Variants in RALYL observed in about 807,000 individuals in gnomAD.
The protein encoded by RALYL is RNA-binding Raly-like protein.
In RALYL, 29 loss-of-function variants were observed where a neutral mutation model predicts 35.1. The ratio of observed to expected loss-of-function variants is 0.83; its 90% CI spans 0.61 to 1.13. The LOEUF is 1.13. Among genes scored for constraint, RALYL ranks in the 50% most tolerant of loss-of-function variants. RALYL has a pLI of 0.00. For synonymous variants in RALYL, 120 were observed against 127.6 expected (o/e 0.94, Z 0.40); for missense variants, 359 against 360.4 (o/e 1.00, Z 0.03).
intron 3 of RALYL, among the ~76,000 whole-genome samples, chr8:84,792,398 C>A (rs1248809747): frequency 2.0e-5 from 3 of 152,174 alleles, no homozygotes; most frequent in Non-Finnish European, 4.4e-5. Flanking sequence ...ACGGACACTT[C>A]TTCTCTTCTC....
Position 84,357,371 on chromosome 8 carries a change from A to G in RALYL, c.-23-171928A>G, listed in dbSNP as rs191194478. Among the ~76,000 whole-genome samples the G allele has an allele frequency of 6.6e-5, 10 of 152,146 alleles. 2 individuals carry two copies. The highest frequency in any genetic ancestry group is 2.4e-4 in the African/African-American group (10 of 41,550). On this transcript the variant is annotated intron_variant, in intron 1 of 8. Transcript: ENST00000521268. ...TCATGCATTCCCACTTACTGCCTAT[A>G]GCTGTTACAGACATTCATTACAAAG...
chr8:84,285,813 A>T (rs1377807127), intron 1 of RALYL, among the ~76,000 whole-genome samples: 1 of 152,190 alleles, frequency 6.6e-6, no homozygotes, highest in Non-Finnish European at 1.5e-5. Context: ...ACAATACAGA[A>T]AATTGTAGTC....
At chr8:84,390,243 C>T (rs1323231211) in intron 1 of RALYL, among the ~76,000 whole-genome samples, 1 of 152,092 alleles carries the variant, frequency 6.6e-6, no homozygotes, top group South Asian at 2.1e-4. Flanking sequence ...ATTCAGTTTG[C>T]CAGTATTTTA....
At chr8:84,519,736 A>G (rs2058321641) in intron 1 of RALYL, among the ~76,000 whole-genome samples, 1 of 152,244 alleles carries the variant, frequency 6.6e-6, no homozygotes, top group Non-Finnish European at 1.5e-5. Context: ...TGTCTACAAC[A>G]GGCACTAAAA....
chr8:84,673,639 T>C (rs1833674622), intron 2 of RALYL, among the ~76,000 whole-genome samples: 1 of 152,220 alleles, frequency 6.6e-6, no homozygotes, highest in South Asian at 2.1e-4. Flanking sequence ...TAGGGAATCC[T>C]CTCCCCATTG....
intron 1 of RALYL, among the ~76,000 whole-genome samples, chr8:84,341,811 A>G (rs1268933998): frequency 6.6e-6 from 1 of 152,012 alleles, no homozygotes; most frequent in African/African-American, 2.4e-5. Flanking sequence ...TCACCCATCT[A>G]GAAGTCACTA....
chr8:84,200,873 A>G (rs1164625131), intron 1 of RALYL, among the ~76,000 whole-genome samples: 1 of 152,190 alleles, frequency 6.6e-6, no homozygotes, highest in African/African-American at 2.4e-5. Flanking sequence ...CTATGAGTAT[A>G]TTGTTTACAT....
intron 1 of RALYL, among the ~76,000 whole-genome samples, chr8:84,464,603 G>A (rs572437475): frequency 5.2e-4 from 78 of 150,434 alleles, no homozygotes; most frequent in East Asian, 9.9e-4. Flanking sequence ...ATAAACATAC[G>A]TGTGCATGTG....
At chr8:84,885,702 G>A (rs968292235) in intron 7 of RALYL, among the ~76,000 whole-genome samples, 2 of 152,024 alleles carry the variant, frequency 1.3e-5, no homozygotes, top group Non-Finnish European at 1.5e-5. Flanking sequence ...TATGATACCC[G>A]TAGTAATTAT....
At chr8:84,520,715 T>C (rs1229270517) in intron 1 of RALYL, among the ~76,000 whole-genome samples, 3 of 152,178 alleles carry the variant, frequency 2.0e-5, no homozygotes, top group Non-Finnish European at 4.4e-5. Context: ...TATTGTGAAC[T>C]ATGCATGTGA....
At chr8:84,464,452 C>A (rs2051263197) in intron 1 of RALYL, among the ~76,000 whole-genome samples, 1 of 151,146 alleles carries the variant, frequency 6.6e-6, no homozygotes, top group African/African-American at 2.4e-5. Context: ...TCATCCATGT[C>A]CCTACAAAGG....
intron 1 of RALYL, among the ~76,000 whole-genome samples, chr8:84,307,783 C>T (rs1405018330): frequency 6.6e-6 from 1 of 152,244 alleles, no homozygotes; most frequent in Admixed American, 6.5e-5. Flanking sequence ...AATTGAGACA[C>T]AGGACTACAT....
intron 1 of RALYL, among the ~76,000 whole-genome samples, chr8:84,327,162 T>A (rs182711279): frequency 1.4e-3 from 206 of 152,168 alleles, no homozygotes; most frequent in African/African-American, 4.6e-3. Flanking sequence ...CAGTGAAAAC[T>A]CAGGAATGGA....
At chr8:84,470,262 T>C (rs1342430785) in intron 1 of RALYL, among the ~76,000 whole-genome samples, 1 of 152,158 alleles carries the variant, frequency 6.6e-6, no homozygotes, top group Non-Finnish European at 1.5e-5. Flanking sequence ...ATTAAGAGAA[T>C]GATTATTCTC....
intron 2 of RALYL, among the ~76,000 whole-genome samples, chr8:84,627,739 C>T (rs1162016199): frequency 6.6e-6 from 1 of 151,828 alleles, no homozygotes; most frequent in Non-Finnish European, 1.5e-5. Flanking sequence ...TGATGTTTTT[C>T]ACTTTCCCAC....
At chr8:84,189,276 A>C (rs543600023) in intron 1 of RALYL, among the ~76,000 whole-genome samples, 52 of 152,352 alleles carry the variant, frequency 3.4e-4, no homozygotes, top group African/African-American at 1.2e-3. Context: ...TATGTTTGGC[A>C]AAATTCCATT....
At chr8:84,819,015 A>G (rs1339866795) in intron 4 of RALYL, among the ~76,000 whole-genome samples, 4 of 152,144 alleles carry the variant, frequency 2.6e-5, no homozygotes, top group African/African-American at 7.2e-5. Context: ...TCACGGAATT[A>G]CTAATGGCCA....
chr8:84,610,303 T>C (rs73294084), intron 2 of RALYL, among the ~76,000 whole-genome samples: 13,768 of 152,018 alleles, frequency 0.091, 1,589 homozygotes, highest in African/African-American at 0.27. Context: ...TTGATGATAG[T>C]TTTGAGGAAT....
chr8:84,400,729 G>A (rs545247978), intron 1 of RALYL, among the ~76,000 whole-genome samples: 110 of 152,288 alleles, frequency 7.2e-4, no homozygotes, highest in Non-Finnish European at 1.4e-3. Flanking sequence ...AAGGGCGAAA[G>A]AGATGTTTAA....
Sources: gnomAD v4.1 joint callset for allele counts (sites outside exome capture counted in the v4.1 genomes callset) on GRCh38, gnomAD v4.1.1 for gene constraint, MANE v1.5 for transcripts, NCBI Gene and HGNC (gene_info 2026-07-23, HGNC 2026-07-21) for gene names.